Variants in ASB4 observed in about 807,000 individuals in gnomAD.
The protein encoded by ASB4 is ankyrin repeat and SOCS box protein 4.
ASB4 carries 35 observed loss-of-function variants against 38.6 expected under a neutral mutation model. The observed-to-expected ratio is 0.91, with a 90% CI of 0.69 to 1.20. ASB4 has a LOEUF of 1.20. Ranked by LOEUF, ASB4 falls within the 50% of genes most tolerant of loss-of-function variation. The probability of loss-of-function intolerance (pLI) is 0.00; values close to 1 mark genes in which losing one functional copy is unlikely to be tolerated. For synonymous variants in ASB4, 195 were observed against 201.3 expected (o/e 0.97, Z 0.26); for missense variants, 557 against 527.2 (o/e 1.06, Z -0.55).
chr7:95,519,489 T>C (rs1330670256), intron 2 of ASB4, among the ~76,000 whole-genome samples: 1 of 152,234 alleles, frequency 6.6e-6, no homozygotes, highest in Non-Finnish European at 1.5e-5. Context: ...TGCTGTTCTT[T>C]ATCTGCACAG....
chr7:95,512,770 C>A (rs954842496), intron 2 of ASB4, among the ~76,000 whole-genome samples: 1 of 152,142 alleles, frequency 6.6e-6, no homozygotes, highest in South Asian at 2.1e-4. Context: ...TTTGGTGCAG[C>A]AAGAACTCCA....
chr7:95,542,279 C>T (rs994265898), downstream of ASB4: 6 of 152,112 alleles, frequency 3.9e-5, no homozygotes, highest in African/African-American at 1.4e-4. Flanking sequence ...TAGATGCTGT[C>T]TAACTGAGCC....
intron 2 of ASB4, among the ~76,000 whole-genome samples, chr7:95,525,705 C>T (rs1030443683): frequency 6.6e-6 from 1 of 152,204 alleles, no homozygotes; most frequent in African/African-American, 2.4e-5. Context: ...TCTGGGAAGA[C>T]ATTCTCATTC....
At chr7:95,504,828 T>G (rs981432999) in intron 2 of ASB4, among the ~76,000 whole-genome samples, 1 of 152,188 alleles carries the variant, frequency 6.6e-6, no homozygotes. Context: ...TCACTGCTTT[T>G]TCCAGAAGAC....
intron 2 of ASB4, among the ~76,000 whole-genome samples, chr7:95,500,920 G>A (rs1790327474): frequency 6.6e-6 from 1 of 152,038 alleles, no homozygotes; most frequent in East Asian, 1.9e-4. Flanking sequence ...GAAGCTACAG[G>A]GACAAGGTTA....
intron 2 of ASB4, among the ~76,000 whole-genome samples, chr7:95,508,985 T>G (rs568403046): frequency 6.6e-6 from 1 of 152,174 alleles, no homozygotes; most frequent in Admixed American, 6.5e-5. Flanking sequence ...CAGGTATGAC[T>G]GTGGGTTGGA....
In ASB4 at chr7:95,528,310, C is replaced by CT; in HGVS notation, c.978+8dup. On this transcript the variant is annotated splice_region_variant and intron_variant, in intron 3 of 4. Transcript: ENST00000325885. ...CCCTCCACAGTTCCATAAGGTGAGG[C>CT]TCTGCCCAGTGGTCAGCAGGTTGAG... The CT allele has an allele frequency of 6.2e-7, 1 of 1,614,076 alleles. No individual in the cohort carries two copies.
rs541559039 is a variant in ASB4, at chr7:95,528,436, A to G, written c.978+133A>G. On this transcript the variant is annotated intron_variant, in intron 3 of 4. Transcript: ENST00000325885. ...TACCTCTGATCCTCTTTGACCTTCCATTACATACCTAATCCTAGCTGTCTC... is the reference window on the plus strand; with the variant it reads ...TACCTCTGATCCTCTTTGACCTTCCGTTACATACCTAATCCTAGCTGTCTC... 9.3e-5 allele frequency: 139 copies of G among 1,501,748 alleles called. No individual in the cohort carries two copies. The East Asian group carries it at 3.0e-3, about 33-fold the overall frequency. 93.0% of individuals were successfully genotyped at this position (1,501,748 alleles called of 1,614,324 possible). A position where few individuals can be genotyped will look rare whatever the true frequency, so the allele number is the denominator to read the frequency against.
At chr7:95,498,961 A>T (rs1790291552) in intron 2 of ASB4, among the ~76,000 whole-genome samples, 1 of 152,130 alleles carries the variant, frequency 6.6e-6, no homozygotes. Flanking sequence ...CAATATATGT[A>T]TGGGTTTATT....
At chr7:95,517,988 C>T (rs1790608096) in intron 2 of ASB4, among the ~76,000 whole-genome samples, 2 of 152,148 alleles carry the variant, frequency 1.3e-5, no homozygotes, top group Admixed American at 1.3e-4. Flanking sequence ...CAATGTTCTA[C>T]TGCTGGGTGT....
At chr7:95,512,770 C>T (rs954842496) in intron 2 of ASB4, among the ~76,000 whole-genome samples, 4 of 152,024 alleles carry the variant, frequency 2.6e-5, no homozygotes, top group Non-Finnish European at 5.9e-5. Flanking sequence ...TTTGGTGCAG[C>T]AAGAACTCCA....
At chr7:95,519,520 G>A (rs1257883533) in intron 2 of ASB4, among the ~76,000 whole-genome samples, 1 of 152,216 alleles carries the variant, frequency 6.6e-6, no homozygotes, top group Non-Finnish European at 1.5e-5. Context: ...CAGCCCAGCA[G>A]TGTTTTGTAC....
intron 1 of ASB4, among the ~76,000 whole-genome samples, chr7:95,495,424 A>G (rs1790230911): frequency 6.6e-6 from 1 of 152,198 alleles, no homozygotes; most frequent in Non-Finnish European, 1.5e-5. Context: ...AGCATGCAAA[A>G]TAAAATACAA....
At chr7:95,479,112 A>G (rs183853909) in intron 1 of ASB4, among the ~76,000 whole-genome samples, 56 of 152,356 alleles carry the variant, frequency 3.7e-4, no homozygotes. Flanking sequence ...CTAAAGGCTG[A>G]GGAGTGTGTC....
chr7:95,536,364 G>C (rs1433238799), intron 3 of ASB4, 73 bp from the exon 4 acceptor site: 28 of 954,756 alleles, frequency 2.9e-5, no homozygotes, highest in Non-Finnish European at 4.4e-5. Context: ...GTGAATTCTT[G>C]ATGTCTCTGT....
At chr7:95,477,356 C>G (rs984330084), upstream of ASB4, among the ~76,000 whole-genome samples, 1 of 152,104 alleles carries the variant, frequency 6.6e-6, no homozygotes, top group Non-Finnish European at 1.5e-5. Flanking sequence ...CTCTACGTCA[C>G]CTTTTGAATT....
intron 3 of ASB4, among the ~76,000 whole-genome samples, chr7:95,533,875 C>G (rs1385045579): frequency 6.6e-6 from 1 of 152,184 alleles, no homozygotes; most frequent in East Asian, 1.9e-4. Flanking sequence ...TTCCCTTCTT[C>G]CTCTCTCGTG....
chr7:95,541,074 C>T (rs1409965028), downstream of ASB4, among the ~76,000 whole-genome samples: 2 of 152,128 alleles, frequency 1.3e-5, no homozygotes, highest in Non-Finnish European at 2.9e-5. Context: ...GGAAGGAATT[C>T]CTGTTACTTT....
intron 1 of ASB4, among the ~76,000 whole-genome samples, chr7:95,495,482 GGTAAA>G (rs1790231684): frequency 1.3e-5 from 2 of 152,054 alleles, no homozygotes; most frequent in Admixed American, 1.3e-4. Context: ...GACCTAGAAA[GGTAAA>G]GTAAATAAAG....
Sources: gnomAD v4.1 joint callset for allele counts (sites outside exome capture counted in the v4.1 genomes callset) on GRCh38, gnomAD v4.1.1 for gene constraint, MANE v1.5 for transcripts, NCBI Gene and HGNC (gene_info 2026-07-23, HGNC 2026-07-21) for gene names.